NFYB: variants seen among roughly 807,000 people sequenced by gnomAD.
NFYB encodes the protein nuclear transcription factor Y subunit beta, also known as CAAT box DNA-binding protein subunit B.
In NFYB, 13 loss-of-function variants were observed where a neutral mutation model predicts 28.0. That is an observed-to-expected ratio of 0.46 (90% CI 0.30 to 0.74). The LOEUF is 0.74. NFYB is among the 30% of genes least tolerant of loss of function. The probability of loss-of-function intolerance (pLI) is 0.07; values close to 1 mark genes in which losing one functional copy is unlikely to be tolerated. For missense variants in NFYB, 142 were observed against 247.6 expected (o/e 0.57, Z 2.86); for synonymous variants, 74 against 75.0 (o/e 0.99, Z 0.07).
intron 4 of NFYB, among the ~76,000 whole-genome samples, chr12:104,124,342 C>T (rs1425038217): frequency 2.0e-5 from 3 of 152,124 alleles, no homozygotes; most frequent in African/African-American, 7.2e-5. Flanking sequence ...ACAATTTTTC[C>T]CTTAAGGGTC....
At chr12:104,130,390 G>C (rs1437555339) in intron 2 of NFYB, among the ~76,000 whole-genome samples, 3 of 152,122 alleles carry the variant, frequency 2.0e-5, no homozygotes, top group Admixed American at 2.0e-4. Flanking sequence ...TTTCTTTCAT[G>C]CATCTGTTGA....
At chr12:104,135,319 G>C (rs2031061785) in intron 2 of NFYB, 129 bp downstream of exon 2, 5 of 693,490 alleles carry the variant, frequency 7.2e-6, no homozygotes, top group Non-Finnish European at 1.2e-5. Context: ...ATGAGCAGAG[G>C]TACTGTCTGT....
rs965316186 is a variant in NFYB, at chr12:104,135,751, G to A, written c.-79-219C>T. ...TTTATTTTGGAGAACTTAAAAACAAGTTAATTCCATGGGGAAAGGAGAAAA... is the reference window on the plus strand; with the variant it reads ...TTTATTTTGGAGAACTTAAAAACAAATTAATTCCATGGGGAAAGGAGAAAA... On this transcript the variant is annotated intron_variant, in intron 1 of 7. Coordinates refer to ENST00000240055, the MANE Select transcript of NFYB (RefSeq NM_006166.4). Among the ~76,000 whole-genome samples the A allele has an allele frequency of 5.9e-5, 9 of 152,262 alleles. 1 individual carries two copies. Among genetic ancestry groups the A allele is most frequent in the Admixed American group, 2.0e-4 (3 of 15,302 alleles).
At position 104,118,924 on chromosome 12, in the gene NFYB, T is replaced by C. The variant is rs1488263844; in HGVS notation, c.*813A>G. 1.3e-5 allele frequency: 2 copies of C among 152,070 alleles called. No homozygotes were observed. The highest frequency in any genetic ancestry group is 2.9e-5 in the Non-Finnish European group (2 of 68,008). 9.4% of individuals were successfully genotyped at this position (152,070 alleles called of 1,614,324 possible). On this transcript the variant is annotated 3_prime_UTR_variant, in exon 8 of 8. Transcript: ENST00000240055. Reference sequence around the variant, plus strand: ...ATACTATAGTACTTGAAGATATGATTTGAAAAAAAATCATGTACCAAATGA... The same window carrying C: ...ATACTATAGTACTTGAAGATATGATCTGAAAAAAAATCATGTACCAAATGA...
intron 2 of NFYB, among the ~76,000 whole-genome samples, chr12:104,134,547 C>T (rs2031035561): frequency 6.6e-6 from 1 of 152,210 alleles, no homozygotes; most frequent in Middle Eastern, 3.4e-3. Flanking sequence ...ACTGGATTAC[C>T]ACCCAGCCCA....
At chr12:104,131,744 T>C (rs2030932950) in intron 2 of NFYB, 2 of 455,960 alleles carry the variant, frequency 4.4e-6, no homozygotes, top group African/African-American at 2.0e-5. Flanking sequence ...AGTGAGCGCT[T>C]AGTATTTACC....
At position 104,118,326 on chromosome 12, in the gene NFYB, T is replaced by A. The variant is rs1193695463; in HGVS notation, c.*1411A>T. ...ATTTACTACAATGAAGTTTGTTTTTTAAATGGAGAGTAGGAGATGAGGACA... is the reference window on the plus strand; with the variant it reads ...ATTTACTACAATGAAGTTTGTTTTTAAAATGGAGAGTAGGAGATGAGGACA... On this transcript the variant is annotated 3_prime_UTR_variant, in exon 8 of 8. Coordinates refer to ENST00000240055, the MANE Select transcript of NFYB (RefSeq NM_006166.4). 6.6e-6 allele frequency: 1 copy of A among 152,610 alleles called. No homozygotes were observed. The highest frequency in any genetic ancestry group is 2.4e-5 in the African/African-American group (1 of 41,452). 9.5% of individuals were successfully genotyped at this position (152,610 alleles called of 1,614,324 possible).
chr12:104,131,805 C>G, intron 2 of NFYB: 1 of 455,966 alleles, frequency 2.2e-6, no homozygotes, highest in South Asian at 1.5e-5. Flanking sequence ...GACAAGGTCT[C>G]TGTCCTCAGC....
At chr12:104,136,025 GAATAT>G (rs1332562037) in intron 1 of NFYB, among the ~76,000 whole-genome samples, 4 of 152,014 alleles carry the variant, frequency 2.6e-5, no homozygotes, top group African/African-American at 9.7e-5. Flanking sequence ...AATTATCTGA[GAATAT>G]AATGCTTTTC....
At chr12:104,126,267 G>C (rs376940444) in intron 3 of NFYB, 23 bp from the exon 4 acceptor site, 8 of 1,498,842 alleles carry the variant, frequency 5.3e-6, no homozygotes, top group Non-Finnish European at 7.1e-6. Context: ...AAATATTTAG[G>C]TGTAAAGCTT....
At chr12:104,120,560 T>C (rs2030433588) in intron 6 of NFYB, 81 bp from the exon 7 acceptor site, 4 of 936,798 alleles carry the variant, frequency 4.3e-6, no homozygotes, top group Non-Finnish European at 6.9e-6. Context: ...GTACCATTAA[T>C]GTCTCATTAC....
At chr12:104,123,829 C>T (rs1214337626) in intron 4 of NFYB, among the ~76,000 whole-genome samples, 2 of 152,034 alleles carry the variant, frequency 1.3e-5, no homozygotes, top group Non-Finnish European at 2.9e-5. Flanking sequence ...GGCGTGGTGG[C>T]AGGTGCCTGT....
In NFYB at chr12:104,120,441, G is replaced by T; in HGVS notation, c.550C>A (p.Gln184Lys). The T allele has an allele frequency of 6.2e-7, 1 of 1,613,792 alleles. No individual in the cohort carries two copies. Among genetic ancestry groups the T allele is most frequent in the South Asian group, 1.1e-5 (1 of 91,054 alleles). The change falls in exon 7 of 8, where the codon CAA becomes AAA. Residue 184 changes from glutamine to lysine, a missense_variant. Physicochemically the swap from Gln to Lys is moderately conservative, Grantham distance 53. Coordinates refer to ENST00000240055, the MANE Select transcript of NFYB (RefSeq NM_006166.4). ...GTGTAAACCATAACATTTTGTTGTT[G>T]ACCGTCTGTGGTTATTAAGCCAGCT... ...LPAGLITTDG[Q>K]QQNVMVYTTS...
At position 104,119,011 on chromosome 12, in the gene NFYB, A is replaced by G. The variant is rs997886295; in HGVS notation, c.*726T>C. The G allele has an allele frequency of 3.9e-5, 6 of 152,268 alleles. 1 individual carries two copies. The highest frequency in any genetic ancestry group is 2.0e-4 in the Admixed American group (3 of 15,280). 9.4% of individuals were successfully genotyped at this position (152,268 alleles called of 1,614,324 possible). ...AACTTAAATATATTCCCACATTCTTAAAAATGTAACTCAAAACCAAATCTA... is the reference window on the plus strand; with the variant it reads ...AACTTAAATATATTCCCACATTCTTGAAAATGTAACTCAAAACCAAATCTA... On this transcript the variant is annotated 3_prime_UTR_variant, in exon 8 of 8. Transcript: ENST00000240055.
At chr12:104,127,456 T>C (rs549007389) in intron 3 of NFYB, among the ~76,000 whole-genome samples, 1 of 151,524 alleles carries the variant, frequency 6.6e-6, no homozygotes, top group East Asian at 2.0e-4. Flanking sequence ...TGATCTCAGC[T>C]AACGGGCAGG....
At chr12:104,131,802 T>C (rs993687230) in intron 2 of NFYB, 28 of 455,826 alleles carry the variant, frequency 6.1e-5, no homozygotes, top group African/African-American at 4.8e-4. Flanking sequence ...ACAGACAAGG[T>C]CTCTGTCCTC....
chr12:104,117,269 A>G lies in NFYB; in HGVS notation c.*2468T>C, dbSNP rs897123755. On this transcript the variant is annotated 3_prime_UTR_variant, in exon 8 of 8. Coordinates refer to ENST00000240055, the MANE Select transcript of NFYB (RefSeq NM_006166.4). ...ATTCAGAATGTCCATTTTCTTTCCC[A>G]TCAGAGTATGAAGTCCAACAATGAA... 1 of 152,176 alleles carries G rather than the reference A, an allele frequency of 6.6e-6. No homozygotes were observed. The highest frequency in any genetic ancestry group is 1.5e-5 in the Non-Finnish European group (1 of 68,028). 9.4% of individuals were successfully genotyped at this position (152,176 alleles called of 1,614,324 possible). A position where few individuals can be genotyped will look rare whatever the true frequency, so the allele number is the denominator to read the frequency against.
intron 1 of NFYB, chr12:104,137,741 C>T (rs2031166783): frequency 6.8e-6 from 1 of 147,714 alleles, no homozygotes; most frequent in African/African-American, 2.4e-5. Flanking sequence ...GCCCGGGCCG[C>T]GTCTCCCGCC....
At chr12:104,122,575 T>C (rs996281047) in intron 5 of NFYB, among the ~76,000 whole-genome samples, 2 of 152,148 alleles carry the variant, frequency 1.3e-5, no homozygotes, top group African/African-American at 4.8e-5. Context: ...TGGAACCCTA[T>C]TGTGAACTGC....
Sources: gnomAD v4.1 joint callset for allele counts (sites outside exome capture counted in the v4.1 genomes callset) on GRCh38, gnomAD v4.1.1 for gene constraint, MANE v1.5 for transcripts, NCBI Gene and HGNC (gene_info 2026-07-23, HGNC 2026-07-21) for gene names.